Variants in TCF4 observed in about 807,000 individuals in gnomAD.
The protein encoded by TCF4 is SL3-3 enhancer factor 2.
Under a neutral mutation model 82.1 loss-of-function variants are expected in TCF4, and 3 were observed. The observed-to-expected ratio is 0.04, with a 90% CI of 0.02 to 0.09. The LOEUF is 0.09. TCF4 is among the 10% of genes least tolerant of loss of function. TCF4 has a pLI of 1.00. For missense variants in TCF4, 518 were observed against 852.7 expected (o/e 0.61, Z 4.89); for synonymous variants, 276 against 309.6 (o/e 0.89, Z 1.14).
chr18:55,456,810 C>T (rs1193626517), intron 5 of TCF4, among the ~76,000 whole-genome samples: 3 of 152,084 alleles, frequency 2.0e-5, no homozygotes, highest in Non-Finnish European at 2.9e-5. Flanking sequence ...TTAGACTCAT[C>T]GACCCTTTCT....
At chr18:55,320,355 T>C (rs1305775222) in intron 8 of TCF4, among the ~76,000 whole-genome samples, 6 of 152,212 alleles carry the variant, frequency 3.9e-5, no homozygotes, top group Non-Finnish European at 8.8e-5. Context: ...AAAAATAGGA[T>C]AGCGCTATGA....
chr18:55,411,631 C>T (rs1430523763), intron 5 of TCF4, among the ~76,000 whole-genome samples: 1 of 152,160 alleles, frequency 6.6e-6, no homozygotes, highest in African/African-American at 2.4e-5. Flanking sequence ...GCTAAGAAAC[C>T]TTGCTGATCA....
chr18:55,330,992 C>A (rs1440738246), intron 8 of TCF4, among the ~76,000 whole-genome samples: 1 of 152,156 alleles, frequency 6.6e-6, no homozygotes, highest in Non-Finnish European at 1.5e-5. Context: ...CAATCCCTAA[C>A]TTCTGTGTTT....
intron 5 of TCF4, among the ~76,000 whole-genome samples, chr18:55,407,644 C>T (rs1338995147): frequency 9.3e-6 from 1 of 107,368 alleles, no homozygotes; most frequent in African/African-American, 5.1e-5. Context: ...CAAGCAACTT[C>T]CATATAAAAA....
chr18:55,385,540 T>G (rs944237848), intron 6 of TCF4, among the ~76,000 whole-genome samples: 1 of 152,160 alleles, frequency 6.6e-6, no homozygotes, highest in Non-Finnish European at 1.5e-5. Context: ...TAACTAGGAT[T>G]ATAGGCGTGA....
intron 7 of TCF4, 85 bp from the exon 8 acceptor site, chr18:55,350,493 TACC>T (rs2082110455): frequency 2.2e-6 from 3 of 1,374,344 alleles, no homozygotes; most frequent in Admixed American, 3.4e-5. Context: ...TTCTAGATGA[TACC>T]ACATTTCCTT....
At chr18:55,570,372 G>A (rs1415771446) in intron 3 of TCF4, among the ~76,000 whole-genome samples, 3 of 152,078 alleles carry the variant, frequency 2.0e-5, no homozygotes, top group Non-Finnish European at 4.4e-5. Context: ...CTACCATAGA[G>A]AGAGTAAAAG....
At chr18:55,401,029 C>T in intron 6 of TCF4, 3 of 1,289,106 alleles carry the variant, frequency 2.3e-6, no homozygotes, top group Middle Eastern at 2.1e-4. Context: ...ATCATTTCAG[C>T]TGTGATCTGC....
At chr18:55,422,650 G>A (rs2094817562) in intron 5 of TCF4, 1 of 227,652 alleles carries the variant, frequency 4.4e-6, no homozygotes, top group African/African-American at 2.3e-5. Flanking sequence ...TCCCTGAAAA[G>A]TTGGCAGAGC....
intron 16 of TCF4, among the ~76,000 whole-genome samples, chr18:55,233,837 T>C (rs1188980597): frequency 1.4e-5 from 2 of 138,636 alleles, no homozygotes; most frequent in Non-Finnish European, 3.1e-5. Flanking sequence ...AAAAAAAAAG[T>C]CCATAAAATG....
At chr18:55,456,634 T>C (rs1263868624) in intron 5 of TCF4, among the ~76,000 whole-genome samples, 1 of 152,202 alleles carries the variant, frequency 6.6e-6, no homozygotes, top group Non-Finnish European at 1.5e-5. Flanking sequence ...AGAAAATATA[T>C]TGTCTACCAT....
At chr18:55,315,911 A>C (rs1319125573) in intron 8 of TCF4, among the ~76,000 whole-genome samples, 6 of 152,066 alleles carry the variant, frequency 3.9e-5, no homozygotes, top group Non-Finnish European at 8.8e-5. Flanking sequence ...ATAGATTATA[A>C]ATGTTTTATG....
chr18:55,383,048 A>G (rs2092166694), intron 6 of TCF4, among the ~76,000 whole-genome samples: 1 of 152,206 alleles, frequency 6.6e-6, no homozygotes, highest in South Asian at 2.1e-4. Context: ...TGCTGAATTC[A>G]TCTATTATAA....
intron 5 of TCF4, among the ~76,000 whole-genome samples, chr18:55,439,909 A>G (rs548003817): frequency 6.6e-6 from 1 of 152,160 alleles, no homozygotes; most frequent in South Asian, 2.1e-4. Flanking sequence ...TTTTTAGTAG[A>G]CACGGGGTTT....
At chr18:55,611,834 T>C (rs999973873) in intron 2 of TCF4, among the ~76,000 whole-genome samples, 8 of 152,174 alleles carry the variant, frequency 5.3e-5, no homozygotes, top group African/African-American at 1.7e-4. Context: ...AGTGGCACAA[T>C]CTTGGGTCAC....
intron 3 of TCF4, among the ~76,000 whole-genome samples, chr18:55,504,686 C>G (rs1280455769): frequency 6.6e-6 from 1 of 152,212 alleles, no homozygotes; most frequent in African/African-American, 2.4e-5. Flanking sequence ...ATAACATTCT[C>G]GCTCATGCAT....
At chr18:55,494,606 T>A (rs1326148655) in intron 3 of TCF4, among the ~76,000 whole-genome samples, 1 of 152,042 alleles carries the variant, frequency 6.6e-6, no homozygotes, top group Non-Finnish European at 1.5e-5. Context: ...AGGACAATAA[T>A]ACCCTGACCA....
chr18:55,302,362 G>A, intron 8 of TCF4: 1 of 1,474,624 alleles, frequency 6.8e-7, no homozygotes, highest in South Asian at 1.2e-5. Context: ...AGCCCAAGAG[G>A]TGTCAAGTCA....
intron 6 of TCF4, among the ~76,000 whole-genome samples, chr18:55,360,930 T>C (rs2084988177): frequency 6.6e-6 from 1 of 151,936 alleles, no homozygotes; most frequent in African/African-American, 2.4e-5. Context: ...TTTCACCATG[T>C]TGGCCATGAT....
Sources: gnomAD v4.1 joint callset for allele counts (sites outside exome capture counted in the v4.1 genomes callset) on GRCh38, gnomAD v4.1.1 for gene constraint, MANE v1.5 for transcripts, NCBI Gene and HGNC (gene_info 2026-07-23, HGNC 2026-07-21) for gene names.